DIP2C: variants seen among roughly 807,000 people sequenced by gnomAD.
DIP2C encodes DIP2 acetate--CoA ligase C (putative), also known as disco-interacting protein 2 homolog C.
In DIP2C, 33 loss-of-function variants were observed where a neutral mutation model predicts 192.4. The observed-to-expected ratio is 0.17, with a 90% confidence interval of 0.13 to 0.23. DIP2C has a LOEUF of 0.23. DIP2C is among the 10% of genes least tolerant of loss of function. The pLI is 1.00. For synonymous variants in DIP2C, 979 were observed against 864.1 expected (o/e 1.13, Z -2.33); for missense variants, 1,537 against 2,110.1 (o/e 0.73, Z 5.32).
intron 2 of DIP2C, among the ~76,000 whole-genome samples, chr10:479,561 CTT>C (rs1843432572): frequency 6.6e-6 from 1 of 152,022 alleles, no homozygotes; most frequent in Non-Finnish European, 1.5e-5. Context: ...ATCTTGAACT[CTT>C]GACCTCATGA....
intron 1 of DIP2C, chr10:663,934 C>T (rs1856919316): frequency 6.6e-6 from 1 of 152,006 alleles, no homozygotes; most frequent in Admixed American, 6.6e-5. Context: ...GGAGGCCACA[C>T]CAGAGGGTGG....
rs184206814 is a variant in DIP2C at position 484,710 on chromosome 10, G to C, written c.157+1749C>G. The C allele has an allele frequency of 5.5e-5, 84 of 1,532,986 alleles. No individual in the cohort carries two copies. The East Asian group carries it at 1.8e-3, about 32-fold the overall frequency. 95.0% of individuals were successfully genotyped at this position (1,532,986 alleles called of 1,614,324 possible). On this transcript the variant is annotated intron_variant, in intron 2 of 36. Coordinates refer to ENST00000280886, the MANE Select transcript of DIP2C (RefSeq NM_014974.3). Reference sequence around the variant, plus strand: ...ACACCCTACACGTCTGTACGGGATGGCACTCGGCGGGTGGCCCTTTTCTAA... The same window carrying C: ...ACACCCTACACGTCTGTACGGGATGCCACTCGGCGGGTGGCCCTTTTCTAA...
At chr10:684,447 G>A (rs937855587) in intron 1 of DIP2C, among the ~76,000 whole-genome samples, 1 of 152,144 alleles carries the variant, frequency 6.6e-6, no homozygotes, top group Non-Finnish European at 1.5e-5. Context: ...CAAACTGTCC[G>A]TGAGGCTCAA....
Position 544,075 on chromosome 10 carries a change from GT to G in DIP2C, c.86-57546del, listed in dbSNP as rs370229954. Among the ~76,000 whole-genome samples, 810 of 152,300 alleles carry G rather than the reference GT, an allele frequency of 5.3e-3. 7 individuals are homozygous for G. The highest frequency in any genetic ancestry group is 0.018 in the African/African-American group (759 of 41,546). On this transcript the variant is annotated intron_variant, in intron 1 of 36. Transcript: ENST00000280886. The stretch of plus-strand genomic sequence containing the variant: ...CAAGGTGACTGGTATCGTACAGTGC[GT>G]GACCTTTAGCATGACCTTTGGTACT...
rs558545287 is a variant in DIP2C, at chr10:537,120, G to A, written c.86-50590C>T. ...AAGTCTGATTCCCTCTGTGGGGGAA[G>A]AAGTGAGGGTGGAGTGAGTTTGACA... On this transcript the variant is annotated intron_variant, in intron 1 of 36. Transcript: ENST00000280886. 1.2e-3 allele frequency among the ~76,000 whole-genome samples: 178 copies of A among 152,306 alleles called. 1 individual carries two copies. The highest frequency in any genetic ancestry group is 2.2e-3 in the Admixed American group (33 of 15,306).
In DIP2C at chr10:520,037, C is replaced by T. The variant is rs372928829; in HGVS notation, c.86-33507G>A. Among the ~76,000 whole-genome samples the T allele has an allele frequency of 2.5e-4, 38 of 152,322 alleles. No homozygotes were observed. The South Asian group carries it at 3.7e-3, about 15-fold the overall frequency. On this transcript the variant is annotated intron_variant, in intron 1 of 36. Coordinates refer to ENST00000280886, the MANE Select transcript of DIP2C (RefSeq NM_014974.3). ...TGGTTCTCCCCAGAGCCAACGGAGG[C>T]CCCCACCCTGCATTCAGCAGTTTAC... is the stretch of plus-strand genomic sequence containing the variant.
chr10:524,589 C>A (rs1403790419), intron 1 of DIP2C, among the ~76,000 whole-genome samples: 1 of 152,114 alleles, frequency 6.6e-6, no homozygotes, highest in Non-Finnish European at 1.5e-5. Context: ...AAATTACTAT[C>A]CTTAAATTCT....
chr10:483,947 G>A (rs1289164920), intron 2 of DIP2C, among the ~76,000 whole-genome samples: 2 of 152,064 alleles, frequency 1.3e-5, no homozygotes, highest in Non-Finnish European at 2.9e-5. Flanking sequence ...CTCCCATATA[G>A]CTGGGATCAC....
intron 1 of DIP2C, among the ~76,000 whole-genome samples, chr10:683,795 C>G (rs79919851): frequency 2.0e-5 from 3 of 152,094 alleles, no homozygotes; most frequent in Admixed American, 6.5e-5. Context: ...TTCAGGAGAG[C>G]GCTACAACTC....
intron 3 of DIP2C, among the ~76,000 whole-genome samples, chr10:455,032 C>G (rs1344465632): frequency 6.6e-6 from 1 of 152,192 alleles, no homozygotes; most frequent in African/African-American, 2.4e-5. Context: ...TGAGCACACA[C>G]ACAGCCTGGG....
intron 9 of DIP2C, among the ~76,000 whole-genome samples, chr10:403,536 T>G: frequency 3.0e-5 from 1 of 33,016 alleles, no homozygotes; most frequent in Non-Finnish European, 8.3e-5. Context: ...ACACGTGTGG[T>G]AGCATTAGCA....
chr10:392,823 C>A (rs1275071392), intron 10 of DIP2C, among the ~76,000 whole-genome samples: 1 of 150,786 alleles, frequency 6.6e-6, no homozygotes, highest in Non-Finnish European at 1.5e-5. Context: ...AGCGCACACA[C>A]ACACACACGC....
rs373902857 is a variant in DIP2C, at chr10:283,458, G to A, written c.4120-12C>T. 3.1e-6 allele frequency: 5 copies of A among 1,613,340 alleles called. No individual in the cohort carries two copies. In the African/African-American group the frequency reaches 4.0e-5, roughly 13 times the overall value. On this transcript the variant is annotated splice_polypyrimidine_tract_variant and intron_variant, in intron 34 of 36. Transcript: ENST00000280886. Reference sequence around the variant, plus strand: ...CTGTGAACCCAAATCTGCAAACGGAGGGAAATGTCACTGTGGATGACATTA... The same window carrying A: ...CTGTGAACCCAAATCTGCAAACGGAAGGAAATGTCACTGTGGATGACATTA...
intron 32 of DIP2C, among the ~76,000 whole-genome samples, chr10:292,404 A>G (rs1955536663): frequency 6.6e-6 from 1 of 152,238 alleles, no homozygotes; most frequent in Non-Finnish European, 1.5e-5. Flanking sequence ...TGCGGGGAAT[A>G]AACTGTCTTT....
intron 26 of DIP2C, among the ~76,000 whole-genome samples, chr10:346,461 A>G (rs866508224): frequency 5.6e-5 from 5 of 88,560 alleles, no homozygotes; most frequent in African/African-American, 2.7e-4. Context: ...CACCCAACCC[A>G]GACACATCGC....
chr10:650,181 C>A (rs1403106842), intron 1 of DIP2C: 2 of 717,404 alleles, frequency 2.8e-6, no homozygotes, highest in East Asian at 5.4e-5. Flanking sequence ...CACTGGAGGT[C>A]CTGCGGGGTG....
chr10:603,560 G>A (rs1182678410), intron 1 of DIP2C, among the ~76,000 whole-genome samples: 1 of 152,064 alleles, frequency 6.6e-6, no homozygotes, highest in African/African-American at 2.4e-5. Flanking sequence ...TAACTTTAAA[G>A]ACCCAAATCA....
At chr10:606,581 C>T (rs1446393625) in intron 1 of DIP2C, among the ~76,000 whole-genome samples, 5 of 150,800 alleles carry the variant, frequency 3.3e-5, no homozygotes, top group African/African-American at 4.9e-5. Flanking sequence ...TCTCTCGCCC[C>T]GCTGCCGTAA....
chr10:614,036 T>C (rs1202836790), intron 1 of DIP2C, among the ~76,000 whole-genome samples: 1 of 152,190 alleles, frequency 6.6e-6, no homozygotes, highest in African/African-American at 2.4e-5. Context: ...ACGTCCTCCA[T>C]GGCAGGACAG....
Sources: gnomAD v4.1 joint callset for allele counts (sites outside exome capture counted in the v4.1 genomes callset) on GRCh38, gnomAD v4.1.1 for gene constraint, MANE v1.5 for transcripts, NCBI Gene and HGNC (gene_info 2026-07-23, HGNC 2026-07-21) for gene names.